The following GALNT17 variants were observed in gnomAD, a reference collection of about 807,000 sequenced individuals.
GALNT17 encodes the protein UDP-GalNAc:polypeptide N-acetylgalactosaminyltransferase-like 3.
GALNT17 carries 29 observed loss-of-function variants against 63.7 expected under a neutral mutation model. The ratio of observed to expected loss-of-function variants is 0.46; its 90% CI spans 0.34 to 0.62. GALNT17 has a LOEUF of 0.62. Among genes scored for constraint, GALNT17 ranks in the 20% least tolerant of loss-of-function variants. The pLI is 0.01. For missense variants in GALNT17, 603 were observed against 799.6 expected (o/e 0.75, Z 2.97); for synonymous variants, 305 against 318.3 (o/e 0.96, Z 0.45).
intron 5 of GALNT17, among the ~76,000 whole-genome samples, chr7:71,490,966 G>A (rs1787996085): frequency 6.6e-6 from 1 of 152,188 alleles, no homozygotes; most frequent in Admixed American, 6.5e-5. Context: ...GGCCGAGGCA[G>A]GCGGATCACC....
At chr7:71,545,330 T>C (rs1184454866) in intron 5 of GALNT17, among the ~76,000 whole-genome samples, 2 of 152,104 alleles carry the variant, frequency 1.3e-5, no homozygotes, top group Middle Eastern at 3.2e-3. Flanking sequence ...TTACTCGTTT[T>C]GTTGTTGTTT....
chr7:71,517,048 T>C (rs1423872193), intron 5 of GALNT17, among the ~76,000 whole-genome samples: 1 of 152,172 alleles, frequency 6.6e-6, no homozygotes, highest in Non-Finnish European at 1.5e-5. Flanking sequence ...GGGGCTCCTT[T>C]ACAGTAATGT....
At chr7:71,702,516 A>T (rs1791666450) in intron 9 of GALNT17, among the ~76,000 whole-genome samples, 1 of 152,202 alleles carries the variant, frequency 6.6e-6, no homozygotes, top group African/African-American at 2.4e-5. Flanking sequence ...ACCCATCGCA[A>T]GGATCTTGGA....
chr7:71,608,908 A>G (rs1790084495), intron 6 of GALNT17, among the ~76,000 whole-genome samples: 2 of 151,650 alleles, frequency 1.3e-5, no homozygotes, highest in South Asian at 4.2e-4. Context: ...CCTCCCAAGT[A>G]GCTGGGGACT....
intron 6 of GALNT17, among the ~76,000 whole-genome samples, chr7:71,639,493 T>A (rs1790574119): frequency 6.6e-6 from 1 of 152,170 alleles, no homozygotes; most frequent in Non-Finnish European, 1.5e-5. Flanking sequence ...CTATTTTGCC[T>A]TCAGAGGTTC....
chr7:71,702,195 G>C (rs955233218), intron 9 of GALNT17, among the ~76,000 whole-genome samples: 4 of 151,920 alleles, frequency 2.6e-5, no homozygotes, highest in African/African-American at 9.7e-5. Context: ...TACTATTTGG[G>C]TGATGGGTTC....
chr7:71,364,548 A>T (rs780225144), intron 2 of GALNT17, among the ~76,000 whole-genome samples: 2 of 152,192 alleles, frequency 1.3e-5, no homozygotes, highest in Non-Finnish European at 2.9e-5. Context: ...AAAGTAGAAC[A>T]TTTTATGGGG....
At chr7:71,263,796 C>T (rs913559384) in intron 1 of GALNT17, among the ~76,000 whole-genome samples, 4 of 151,754 alleles carry the variant, frequency 2.6e-5, no homozygotes, top group Admixed American at 6.6e-5. Flanking sequence ...TGGTGGCAGG[C>T]GCCTGTAGTC....
chr7:71,472,686 AAAACTAAACT>A (rs565689948), intron 5 of GALNT17, among the ~76,000 whole-genome samples: 31 of 152,064 alleles, frequency 2.0e-4, no homozygotes, highest in African/African-American at 3.6e-4. Flanking sequence ...CTTTGTCTCA[AAAACTAAACT>A]AAACTAAACT....
At chr7:71,402,806 C>A (rs1002688879) in intron 3 of GALNT17, among the ~76,000 whole-genome samples, 3 of 152,110 alleles carry the variant, frequency 2.0e-5, no homozygotes, top group African/African-American at 7.2e-5. Flanking sequence ...TGGGAGAAGT[C>A]TTGTGTTTCC....
chr7:71,482,162 T>G (rs1460075220), intron 5 of GALNT17, among the ~76,000 whole-genome samples: 1 of 150,200 alleles, frequency 6.7e-6, no homozygotes, highest in South Asian at 2.2e-4. Context: ...TTTTTTTTTT[T>G]TTTTTGAGAC....
At chr7:71,206,495 C>A (rs1005982010) in intron 1 of GALNT17, among the ~76,000 whole-genome samples, 3 of 152,118 alleles carry the variant, frequency 2.0e-5, no homozygotes, top group African/African-American at 7.2e-5. Flanking sequence ...ACATGCTACC[C>A]CGTTGTAATA....
At chr7:71,512,830 G>T (rs1053689345) in intron 5 of GALNT17, among the ~76,000 whole-genome samples, 1 of 152,202 alleles carries the variant, frequency 6.6e-6, no homozygotes, top group African/African-American at 2.4e-5. Context: ...GGGAGAATGA[G>T]GAGAATCAGG....
chr7:71,665,310 C>T (rs1470841615), intron 6 of GALNT17, 101 bp from the exon 7 acceptor site: 36 of 1,229,226 alleles, frequency 2.9e-5, no homozygotes, highest in African/African-American at 7.6e-5. Flanking sequence ...ATGTATTTTA[C>T]GTTTATGCAA....
chr7:71,649,054 GC>G (rs1790719837), intron 6 of GALNT17, among the ~76,000 whole-genome samples: 1 of 152,148 alleles, frequency 6.6e-6, no homozygotes, highest in Admixed American at 6.5e-5. Context: ...GGATGGTTCT[GC>G]CCCCATTACC....
At position 71,652,579 on chromosome 7, in the gene GALNT17, T is replaced by C. The variant is rs73702244; in HGVS notation, c.1081-12832T>C. ...AGGATGCGAGTAACAAATTAAAATA[T>C]TCTCTTTGCCAGAAACCTGTGTTGT... On this transcript the variant is annotated intron_variant, in intron 6 of 10. Coordinates refer to ENST00000333538, the MANE Select transcript of GALNT17 (RefSeq NM_022479.3). Among the ~76,000 whole-genome samples the C allele has an allele frequency of 1.8e-3, 277 of 152,312 alleles. 1 individual carries two copies. The highest frequency in any genetic ancestry group is 6.4e-3 in the African/African-American group (264 of 41,574).
chr7:71,356,101 T>C (rs942964306), intron 2 of GALNT17, among the ~76,000 whole-genome samples: 3 of 152,008 alleles, frequency 2.0e-5, no homozygotes, highest in African/African-American at 7.3e-5. Flanking sequence ...CCTCAGCCTC[T>C]GAGTAGCTGG....
intron 1 of GALNT17, among the ~76,000 whole-genome samples, chr7:71,289,528 G>T (rs1408066898): frequency 6.6e-6 from 1 of 152,024 alleles, no homozygotes; most frequent in Non-Finnish European, 1.5e-5. Flanking sequence ...TTGAGGTCAG[G>T]AGTTTGAGAC....
At chr7:71,516,650 C>A (rs1420874012) in intron 5 of GALNT17, among the ~76,000 whole-genome samples, 3 of 152,130 alleles carry the variant, frequency 2.0e-5, no homozygotes. Context: ...TAGGAACTTG[C>A]AGGGGTGATT....
Sources: gnomAD v4.1 joint callset for allele counts (sites outside exome capture counted in the v4.1 genomes callset) on GRCh38, gnomAD v4.1.1 for gene constraint, MANE v1.5 for transcripts, NCBI Gene and HGNC (gene_info 2026-07-23, HGNC 2026-07-21) for gene names.